The following CCN6 variants were observed in gnomAD, a reference collection of about 807,000 sequenced individuals.
The protein encoded by CCN6 is cellular communication network factor 6, also known as CCN family member 6.
In CCN6, 31 loss-of-function variants were observed where a neutral mutation model predicts 37.4. That is an observed-to-expected ratio of 0.83 (90% CI 0.62 to 1.12). CCN6 has a LOEUF of 1.12. CCN6 is among the 50% of genes most tolerant of loss of function. CCN6 has a pLI of 0.00. For missense variants in CCN6, 369 were observed against 413.8 expected, an observed-to-expected ratio of 0.89 and a Z score of 0.94; for synonymous variants, 137 against 142.1, an observed-to-expected ratio of 0.96 and a Z score of 0.26.
intron 1 of CCN6, among the ~76,000 whole-genome samples, chr6:112,056,715 C>T (rs1019281179): frequency 6.6e-6 from 1 of 152,150 alleles, no homozygotes; most frequent in Non-Finnish European, 1.5e-5. Context: ...TGGGGTTTTG[C>T]CATGTTGGCC....
chr6:112,056,208 A>G lies in CCN6; in HGVS notation c.48+1803A>G, dbSNP rs587639119. 5.3e-5 allele frequency among the ~76,000 whole-genome samples: 8 copies of G among 152,314 alleles called. No individual in the cohort carries two copies. In the South Asian group the frequency reaches 1.7e-3, roughly 32 times the overall value. On this transcript the variant is annotated intron_variant, in intron 1 of 4. Transcript: ENST00000368666. ...CTTCCTGTATTTCTAAGTTACTATCATAACAGAAGATCTTCAGACCGAAGA... is the reference window on the plus strand; with the variant it reads ...CTTCCTGTATTTCTAAGTTACTATCGTAACAGAAGATCTTCAGACCGAAGA...
Position 112,060,970 on chromosome 6 carries a change from C to T in CCN6, c.49-21C>T, listed in dbSNP as rs781926291. On this transcript the variant is annotated intron_variant, in intron 1 of 4. Coordinates refer to ENST00000368666, the MANE Select transcript of CCN6 (RefSeq NM_198239.2). ...TACATAGAGAAGCTATTTCTAACAT[C>T]ACCTTTATTATCAAATGAAGTTCTG... The T allele has an allele frequency of 3.5e-5, 56 of 1,613,568 alleles. No individual in the cohort carries two copies. The East Asian group carries it at 8.5e-4, about 24-fold the overall frequency.
upstream of CCN6, chr6:112,054,096 G>A (rs1431901140): frequency 7.9e-6 from 5 of 634,132 alleles, no homozygotes; most frequent in Non-Finnish European, 1.4e-5. Flanking sequence ...GGAGGAAAGT[G>A]CTCGCCCATT....
chr6:112,068,218 C>T lies in CCN6; in HGVS notation c.603C>T (p.Leu201=). The change falls in exon 4 of 5, where the codon CTC becomes CTT. Residue 201 remains leucine (L), a synonymous_variant. Transcript: ENST00000368666. ...SYKTMPAYRN[L]PLIWKKKCLV... Reference sequence around the variant, plus strand: ...CCTTTGTTTTAGCTTATAGAAATCTCCCACTTATTTGGAAAAAAAAATGTC... The same window carrying T: ...CCTTTGTTTTAGCTTATAGAAATCTTCCACTTATTTGGAAAAAAAAATGTC... The T allele has an allele frequency of 6.2e-7, 1 of 1,610,618 alleles. No homozygotes were observed. Among genetic ancestry groups the T allele is most frequent in the Non-Finnish European group, 8.5e-7 (1 of 1,178,780 alleles).
At chr6:112,061,775 A>C (rs1244852435) in intron 2 of CCN6, among the ~76,000 whole-genome samples, 2 of 152,218 alleles carry the variant, frequency 1.3e-5, no homozygotes, top group African/African-American at 2.4e-5. Context: ...TTTGTAAAAA[A>C]AGAAGGTGAG....
intron 3 of CCN6, among the ~76,000 whole-genome samples, chr6:112,066,177 G>T (rs1554313932): frequency 2.0e-5 from 3 of 152,056 alleles, no homozygotes. Flanking sequence ...TTACTAGGTT[G>T]TTGTGAATTT....
At chr6:112,061,611 AAT>A (rs1554312895) in intron 2 of CCN6, among the ~76,000 whole-genome samples, 12 of 152,342 alleles carry the variant, frequency 7.9e-5, no homozygotes, top group Non-Finnish European at 1.2e-4. Context: ...AGCTTTTGTT[AAT>A]ACTGTCAAAA....
intron 1 of CCN6, chr6:112,054,702 C>T: frequency 5.1e-6 from 2 of 393,066 alleles, no homozygotes; most frequent in South Asian, 4.3e-5. Context: ...GAGCCTAAGG[C>T]ACAGCCTGGC....
intron 1 of CCN6, chr6:112,059,998 G>A (rs369120990): frequency 7.3e-7 from 1 of 1,363,890 alleles, no homozygotes; most frequent in South Asian, 1.2e-5. Flanking sequence ...CCTAAAGAGA[G>A]TAAAAGAGTG....
At chr6:112,057,352 A>T (rs1230348) in intron 1 of CCN6, among the ~76,000 whole-genome samples, 1 of 152,110 alleles carries the variant, frequency 6.6e-6, no homozygotes, top group Admixed American at 6.5e-5. Context: ...TTCCTCCAGG[A>T]GCAACATAGT....
intron 1 of CCN6, among the ~76,000 whole-genome samples, chr6:112,055,421 TAAAC>T (rs1227226499): frequency 1.3e-5 from 2 of 152,060 alleles, no homozygotes; most frequent in African/African-American, 2.4e-5. Context: ...GTGTACAAAA[TAAAC>T]AACAACAAAC....
At chr6:112,054,651 T>C in intron 1 of CCN6, 1 of 506,334 alleles carries the variant, frequency 2.0e-6, no homozygotes, top group Non-Finnish European at 3.6e-6. Context: ...CCTTTCGCTA[T>C]GTTTGAACAG....
chr6:112,059,131 C>G (rs1340707510), intron 1 of CCN6, among the ~76,000 whole-genome samples: 1 of 152,194 alleles, frequency 6.6e-6, no homozygotes, highest in East Asian at 1.9e-4. Flanking sequence ...AGAGCTTAGG[C>G]TCTGGAACCT....
In CCN6 at chr6:112,069,509, T is replaced by C; in HGVS notation, c.954T>C (p.Asp318=). 3 of 1,613,818 alleles carry C rather than the reference T, an allele frequency of 1.9e-6. No individual in the cohort carries two copies. The highest frequency in any genetic ancestry group is 2.5e-6 in the Non-Finnish European group (3 of 1,179,846). ...CTAAAATGATTACTATTCAATTTGA[T>C]TGCCCAAATGAGGGGTCATTTAAAT... is the stretch of plus-strand genomic sequence containing the variant. ...NKSKMITIQF[D]CPNEGSFKWK... Residue 318 remains aspartate (D), a synonymous_variant, in exon 5 of 5, where the codon GAT becomes GAC. Transcript: ENST00000368666.
At chr6:112,069,207 C>T (rs1776798812) in intron 4 of CCN6, 132 bp from the exon 5 acceptor site, 3 of 1,016,774 alleles carry the variant, frequency 3.0e-6, no homozygotes, top group Non-Finnish European at 2.8e-6. Context: ...AAAGAGAGTG[C>T]TGGAAATCAC....
intron 2 of CCN6, 49 bp from the exon 3 acceptor site, chr6:112,064,706 T>C (rs782191174): frequency 1.1e-5 from 17 of 1,613,076 alleles, no homozygotes; most frequent in Non-Finnish European, 1.4e-5. Context: ...AGGTCTAGAC[T>C]ATCACAGATC....
At chr6:112,061,943 C>T (rs1300272339) in intron 2 of CCN6, among the ~76,000 whole-genome samples, 1 of 152,146 alleles carries the variant, frequency 6.6e-6, no homozygotes, top group African/African-American at 2.4e-5. Context: ...GTCACCTGGG[C>T]AGTTTAGTCC....
In CCN6 at chr6:112,060,113, T is replaced by C. The variant is rs373391142; in HGVS notation, c.49-878T>C. The C allele has an allele frequency of 4.4e-6, 6 of 1,352,848 alleles. No individual in the cohort carries two copies. In the African/African-American group the frequency reaches 5.9e-5, roughly 13 times the overall value. 83.8% of individuals were successfully genotyped at this position (1,352,848 alleles called of 1,614,324 possible). On this transcript the variant is annotated intron_variant, in intron 1 of 4. Coordinates refer to ENST00000368666, the MANE Select transcript of CCN6 (RefSeq NM_198239.2). ...AGGGGGTGAGTGGCAGTGGGCAAAG[T>C]AATATGGGGAGGGGGGACCACAGGA...
chr6:112,061,117 C>A lies in CCN6; in HGVS notation c.175C>A (p.Pro59Thr). 1 of 1,614,124 alleles carries A rather than the reference C, an allele frequency of 6.2e-7. No homozygotes were observed. Among genetic ancestry groups the A allele is most frequent in the Non-Finnish European group, 8.5e-7 (1 of 1,180,024 alleles). Reference sequence around the variant, plus strand: ...GCCCTGCAAATGCCCTCAGCAGAAGCCCCGTTGCCCTCCTGGAGTGAGCCT... The same window carrying A: ...GCCCTGCAAATGCCCTCAGCAGAAGACCCGTTGCCCTCCTGGAGTGAGCCT... ...HWPCKCPQQK[P>T]RCPPGVSLVR... is the part of the protein sequence containing the mutation. The change falls in exon 2 of 5, where the codon CCC becomes ACC. Residue 59 changes from proline (P) to threonine (T), a missense_variant. Pro to Thr is a conservative substitution (Grantham distance 38). Coordinates refer to ENST00000368666, the MANE Select transcript of CCN6 (RefSeq NM_198239.2).
Sources: gnomAD v4.1 joint callset for allele counts (sites outside exome capture counted in the v4.1 genomes callset) on GRCh38, gnomAD v4.1.1 for gene constraint, MANE v1.5 for transcripts, NCBI Gene and HGNC (gene_info 2026-07-23, HGNC 2026-07-21) for gene names.